RASAL1: variants seen among roughly 807,000 people sequenced by gnomAD.
RASAL1 encodes the protein RAS protein activator like 1, also known as rasGAP-activating-like protein 1.
In RASAL1, 72 loss-of-function variants were observed where a neutral mutation model predicts 96.6. The observed-to-expected ratio is 0.75, with a 90% CI of 0.62 to 0.91. The LOEUF (loss-of-function observed/expected upper bound fraction) is 0.91, where lower values mean the gene tolerates loss of function less well. Among genes scored for constraint, RASAL1 ranks in the 40% least tolerant of loss-of-function variants. The pLI is 0.00. For synonymous variants in RASAL1, 405 were observed against 430.4 expected (o/e 0.94, Z 0.73); for missense variants, 1,016 against 1,072.5 (o/e 0.95, Z 0.74).
chr12:113,104,099 C>G lies in RASAL1; in HGVS notation c.1969-18G>C, dbSNP rs12427427. 1 of 1,562,032 alleles carries G rather than the reference C, an allele frequency of 6.4e-7. No individual in the cohort carries two copies. The highest frequency in any genetic ancestry group is 8.7e-7 in the Non-Finnish European group (1 of 1,147,740). Reference sequence around the variant, plus strand: ...TTCACATTCTGCAGCGGGTGGGAGGCGATCAGGGGGCGGGTGGGAACAGAG... The same window carrying G: ...TTCACATTCTGCAGCGGGTGGGAGGGGATCAGGGGGCGGGTGGGAACAGAG... On this transcript the variant is annotated intron_variant, in intron 17 of 20. Coordinates refer to ENST00000548055, the MANE Select transcript of RASAL1 (RefSeq NM_001301202.2).
chr12:113,110,051 T>C (rs2136143603), intron 13 of RASAL1, among the ~76,000 whole-genome samples: 1 of 152,306 alleles, frequency 6.6e-6, no homozygotes, highest in East Asian at 1.9e-4. Flanking sequence ...GTCTAGGCTG[T>C]CTGGGGAGCT....
Position 113,100,038 on chromosome 12 carries a change from C to T in RASAL1, c.2309G>A (p.Arg770Lys). The T allele has an allele frequency of 6.2e-7, 1 of 1,612,740 alleles. No individual in the cohort carries two copies. The highest frequency in any genetic ancestry group is 8.5e-7 in the Non-Finnish European group (1 of 1,179,286). The change falls in exon 21 of 21, where the codon AGA becomes AAA. Residue 770 changes from arginine (R) to lysine (K), a missense_variant. Physicochemically the swap from Arg to Lys is conservative, Grantham distance 26. Coordinates refer to ENST00000548055, the MANE Select transcript of RASAL1 (RefSeq NM_001301202.2). ...CTCCAGCAGGCGGGCAGTTGCTGCT[C>T]TTTGCCGGGCCAGGACCTCAGGACA... is the stretch of plus-strand genomic sequence containing the variant. ...GACPEVLARQ[R>K]AATARLLEVL... is the part of the protein sequence containing the mutation.
At chr12:113,102,964 C>T (rs181681096) in intron 18 of RASAL1, 119 of 179,976 alleles carry the variant, frequency 6.6e-4, no homozygotes, top group African/African-American at 2.6e-3. Context: ...TCTCCAATGC[C>T]GCTGCTTAAC....
intron 1 of RASAL1, among the ~76,000 whole-genome samples, chr12:113,134,292 G>C (rs1044087518): frequency 5.3e-5 from 8 of 152,194 alleles, no homozygotes; most frequent in African/African-American, 1.7e-4. Context: ...GCAGTGTTTT[G>C]GGGGTTGGGA....
chr12:113,113,831 C>T (rs900460876), intron 12 of RASAL1, among the ~76,000 whole-genome samples: 2 of 152,184 alleles, frequency 1.3e-5, no homozygotes, highest in African/African-American at 4.8e-5. Flanking sequence ...GGAATGACCC[C>T]CAGCCACTGC....
intron 5 of RASAL1, 99 bp downstream of exon 5, chr12:113,121,410 A>G: frequency 1.3e-6 from 2 of 1,547,984 alleles, no homozygotes; most frequent in Non-Finnish European, 1.8e-6. Context: ...GAAGTGCCCC[A>G]GGACTGAGGA....
intron 18 of RASAL1, chr12:113,103,200 ATATATAT>A (rs1479190653): frequency 6.7e-6 from 1 of 149,378 alleles, no homozygotes; most frequent in Non-Finnish European, 1.5e-5. Flanking sequence ...TATATATTTT[ATATATAT>A]TATATATTAT....
intron 4 of RASAL1, among the ~76,000 whole-genome samples, chr12:113,124,070 A>G (rs1255545084): frequency 6.6e-6 from 1 of 152,032 alleles, no homozygotes; most frequent in Non-Finnish European, 1.5e-5. Flanking sequence ...AATACAAAAA[A>G]AGTTAGGCAT....
chr12:113,105,966 A>G (rs919070732), intron 15 of RASAL1, 80 bp from the exon 16 acceptor site: 2 of 1,446,052 alleles, frequency 1.4e-6, no homozygotes, highest in Non-Finnish European at 1.9e-6. Context: ...ATGCCCAGGG[A>G]GGACCTCAGT....
In RASAL1 at chr12:113,115,829, G is replaced by C. The variant is rs753074612; in HGVS notation, c.850-41C>G. 6.2e-7 allele frequency: 1 copy of C among 1,611,666 alleles called. No homozygotes were observed. The highest frequency in any genetic ancestry group is 1.3e-5 in the African/African-American group (1 of 74,868). On this transcript the variant is annotated intron_variant, in intron 9 of 20. Coordinates refer to ENST00000548055, the MANE Select transcript of RASAL1 (RefSeq NM_001301202.2). The surrounding 1 kb of genome is among the most constrained non-coding windows in gnomAD (Gnocchi z 4.1). ...AGACAAAGATGACCTCGGCCCCTGG[G>C]ACCCCAAAGCAGATGGGCCTAGATA...
At position 113,121,381 on chromosome 12, in the gene RASAL1, G is replaced by A. The variant is rs1951288449; in HGVS notation, c.428+128C>T. On this transcript the variant is annotated intron_variant, in intron 5 of 20. Coordinates refer to ENST00000548055, the MANE Select transcript of RASAL1 (RefSeq NM_001301202.2). The stretch of plus-strand genomic sequence containing the variant: ...AGCTTGGACTGTTTGTCCACACAGG[G>A]AACCTGACTGCCAGCCCAGAAGTGC... 3 of 1,452,988 alleles carry A rather than the reference G, an allele frequency of 2.1e-6. No individual in the cohort carries two copies. In the South Asian group the frequency reaches 4.0e-5, roughly 19 times the overall value. The allele number at this position is 1,452,988 out of a possible 1,614,324, so 90.0% of individuals were successfully genotyped here. A position where few individuals can be genotyped will look rare whatever the true frequency, so the allele number is the denominator to read the frequency against.
Position 113,129,896 on chromosome 12 carries a change from G to A in RASAL1, c.122+989C>T, listed in dbSNP as rs773866116. Reference sequence around the variant, plus strand: ...TGAAAGGCTTCTTACAGCCCAGAGAGGGAGAGACAGCAGCCTGGGGTCACA... The same window carrying A: ...TGAAAGGCTTCTTACAGCCCAGAGAAGGAGAGACAGCAGCCTGGGGTCACA... On this transcript the variant is annotated intron_variant, in intron 2 of 20. Coordinates refer to ENST00000548055, the MANE Select transcript of RASAL1 (RefSeq NM_001301202.2). This position sits in a 1 kb window ranked among gnomAD's most constrained non-coding sequence, Gnocchi z 5.0. 1.1e-4 allele frequency among the ~76,000 whole-genome samples: 17 copies of A among 152,242 alleles called. No homozygotes were observed. Among genetic ancestry groups the A allele is most frequent in the Non-Finnish European group, 2.1e-4 (14 of 68,050 alleles).
At position 113,105,717 on chromosome 12, in the gene RASAL1, C is replaced by T; in HGVS notation, c.1827G>A (p.Trp609Ter). The T allele has an allele frequency of 6.2e-7, 1 of 1,602,026 alleles. No homozygotes were observed. The highest frequency in any genetic ancestry group is 8.5e-7 in the Non-Finnish European group (1 of 1,172,094). ...CCATAGTGGACTGGAACCCCACCTG[C>T]CACTCAGGACTCTTGGAGAAGGAGA... is the stretch of plus-strand genomic sequence containing the variant. ...ETLSFSKSPE[W>*]QMCHSIPVSH... is the part of the protein sequence containing the mutation. Residue 609 changes from tryptophan to a stop codon, truncating the protein, a stop_gained, in exon 16 of 21, where the codon TGG becomes TGA. Transcript: ENST00000548055. LOFTEE classifies it high-confidence loss of function.
At chr12:113,105,308 C>A (rs116124176) in intron 16 of RASAL1, among the ~76,000 whole-genome samples, 1 of 152,228 alleles carries the variant, frequency 6.6e-6, no homozygotes, top group Non-Finnish European at 1.5e-5. Context: ...AATGAATGAA[C>A]GAGTGAATGA....
intron 19 of RASAL1, among the ~76,000 whole-genome samples, chr12:113,101,089 G>A (rs994193228): frequency 5.9e-5 from 9 of 152,222 alleles, no homozygotes; most frequent in Middle Eastern, 3.4e-3. Context: ...GACAACCCAC[G>A]AGGTCGCCAC....
Position 113,116,012 on chromosome 12 carries a change from A to T in RASAL1, c.771T>A (p.Ile257=). The T allele has an allele frequency of 6.2e-7, 1 of 1,608,850 alleles. No homozygotes were observed. The highest frequency in any genetic ancestry group is 8.5e-7 in the Non-Finnish European group (1 of 1,177,246). The change falls in exon 9 of 21, where the codon ATT becomes ATA. Residue 257 remains isoleucine (I), a synonymous_variant. Coordinates refer to ENST00000548055, the MANE Select transcript of RASAL1 (RefSeq NM_001301202.2). ...LGALRVKVRL[I]EDRVLPSQCY... is the part of the protein sequence containing the mutation. ...ACTGGGAGGGCAGGACGCGGTCCTCAATCAGGCGTACCTTCACTCGCAGGG... is the reference window on the plus strand; with the variant it reads ...ACTGGGAGGGCAGGACGCGGTCCTCTATCAGGCGTACCTTCACTCGCAGGG...
At chr12:113,103,663 T>G in intron 18 of RASAL1, 11 of 504,534 alleles carry the variant, frequency 2.2e-5, no homozygotes, top group East Asian at 7.1e-5. Flanking sequence ...AAGCTCATGA[T>G]GTTTGAGTAC....
chr12:113,117,440 A>C (rs1951128973), intron 7 of RASAL1, among the ~76,000 whole-genome samples: 2 of 152,172 alleles, frequency 1.3e-5, no homozygotes. Flanking sequence ...CAGCTGCTAG[A>C]GATAGCATGT....
At chr12:113,109,750 C>A (rs1950801033) in intron 13 of RASAL1, among the ~76,000 whole-genome samples, 1 of 152,198 alleles carries the variant, frequency 6.6e-6, no homozygotes, top group Admixed American at 6.5e-5. Context: ...CTAGAACTGC[C>A]CAGAGGGAGC....
Sources: gnomAD v4.1 joint callset for allele counts (sites outside exome capture counted in the v4.1 genomes callset) on GRCh38, gnomAD v4.1.1 for gene constraint, Gnocchi (gnomAD v3.1) non-coding constraint, MANE v1.5 for transcripts, NCBI Gene and HGNC (gene_info 2026-07-23, HGNC 2026-07-21) for gene names.